Variants in UMAD1 observed in about 807,000 individuals in gnomAD.
The protein encoded by UMAD1 is UBAP1-MVB12-associated (UMA)-domain containing protein 1.
Under a neutral mutation model 6.1 loss-of-function variants are expected in UMAD1, and 8 were observed. The ratio of observed to expected loss-of-function variants is 1.30; its 90% CI spans 0.76 to 2.35. The LOEUF (loss-of-function observed/expected upper bound fraction) is 2.35, where lower values mean the gene tolerates loss of function less well. Among genes scored for constraint, UMAD1 ranks in the 30% most tolerant of loss-of-function variants. UMAD1 has a pLI of 0.00. For missense variants in UMAD1, 130 were observed against 78.4 expected (o/e 1.66, Z -2.49); for synonymous variants, 56 against 31.4 (o/e 1.78, Z -2.61).
At chr7:7,712,062 G>T (rs750123786) in intron 2 of UMAD1, among the ~76,000 whole-genome samples, 1 of 151,664 alleles carries the variant, frequency 6.6e-6, no homozygotes, top group Non-Finnish European at 1.5e-5. Flanking sequence ...TAGTATCTTT[G>T]GTTCTCCTAC....
At chr7:7,793,943 GA>G (rs1041840537) in intron 2 of UMAD1, among the ~76,000 whole-genome samples, 31 of 151,976 alleles carry the variant, frequency 2.0e-4, no homozygotes, top group Non-Finnish European at 2.8e-4. Flanking sequence ...AATACACTTC[GA>G]AAAAAAATTT....
intron 2 of UMAD1, among the ~76,000 whole-genome samples, chr7:7,726,939 G>C (rs1781149479): frequency 6.6e-6 from 1 of 152,098 alleles, no homozygotes; most frequent in African/African-American, 2.4e-5. Context: ...AGATCCATAG[G>C]GTGTCTGTTA....
intron 2 of UMAD1, among the ~76,000 whole-genome samples, chr7:7,710,957 A>G (rs908908064): frequency 1.3e-5 from 2 of 152,222 alleles, no homozygotes; most frequent in Admixed American, 1.3e-4. Flanking sequence ...GTACTGTATG[A>G]CTTCATTTAT....
At chr7:7,788,398 G>A (rs1782498962) in intron 2 of UMAD1, among the ~76,000 whole-genome samples, 1 of 152,078 alleles carries the variant, frequency 6.6e-6, no homozygotes, top group South Asian at 2.1e-4. Flanking sequence ...TAATCAAGCA[G>A]GTTCTCATAC....
intron 1 of UMAD1, among the ~76,000 whole-genome samples, chr7:7,649,335 T>A (rs1188909700): frequency 1.3e-5 from 2 of 152,188 alleles, no homozygotes; most frequent in East Asian, 3.9e-4. Context: ...GGGGACTAAC[T>A]AATGCTTTTT....
chr7:7,795,517 A>G (rs1310570229), intron 2 of UMAD1, among the ~76,000 whole-genome samples: 1 of 152,228 alleles, frequency 6.6e-6, no homozygotes, highest in African/African-American at 2.4e-5. Context: ...GAAGAAAGAA[A>G]CTTTATTAAG....
chr7:7,872,151 T>C (rs1237065164), intron 3 of UMAD1, among the ~76,000 whole-genome samples: 1 of 152,086 alleles, frequency 6.6e-6, no homozygotes, highest in Non-Finnish European at 1.5e-5. Context: ...CTACAGGTAA[T>C]GTACAGGCAT....
chr7:7,668,753 A>G (rs1779532535), intron 1 of UMAD1, among the ~76,000 whole-genome samples: 1 of 152,238 alleles, frequency 6.6e-6, no homozygotes, highest in African/African-American at 2.4e-5. Context: ...TGATACATAC[A>G]TTTAAGAAAT....
At chr7:7,790,470 G>A (rs1782547226) in intron 2 of UMAD1, among the ~76,000 whole-genome samples, 1 of 152,188 alleles carries the variant, frequency 6.6e-6, no homozygotes, top group African/African-American at 2.4e-5. Flanking sequence ...GGGCAGCCCT[G>A]AGTTCATAAC....
intron 2 of UMAD1, among the ~76,000 whole-genome samples, chr7:7,748,520 T>G (rs1781617394): frequency 6.6e-6 from 1 of 152,046 alleles, no homozygotes; most frequent in Non-Finnish European, 1.5e-5. Context: ...CTGCTGTAAT[T>G]TTTTGAGGGG....
At chr7:7,853,282 A>G (rs186022240) in intron 3 of UMAD1, among the ~76,000 whole-genome samples, 1 of 152,302 alleles carries the variant, frequency 6.6e-6, no homozygotes, top group East Asian at 1.9e-4. Flanking sequence ...TTCGTTTTCA[A>G]GATTGTTTTG....
At chr7:7,835,328 T>G (rs190892196) in intron 3 of UMAD1, among the ~76,000 whole-genome samples, 1 of 151,754 alleles carries the variant, frequency 6.6e-6, no homozygotes, top group African/African-American at 2.4e-5. Context: ...TGTCTTTATG[T>G]ATTCTAAAAG....
intron 2 of UMAD1, among the ~76,000 whole-genome samples, chr7:7,709,561 A>G (rs1413925683): frequency 6.6e-6 from 1 of 152,256 alleles, no homozygotes; most frequent in Admixed American, 6.5e-5. Flanking sequence ...CTGCAAGGGC[A>G]AAATGAGGCT....
intron 3 of UMAD1, among the ~76,000 whole-genome samples, chr7:7,863,838 C>T (rs950512610): frequency 1.3e-5 from 2 of 152,166 alleles, no homozygotes; most frequent in African/African-American, 2.4e-5. Context: ...AACAGACTCT[C>T]CCTTTGGCCA....
chr7:7,874,555 G>A (rs1390522369), intron 3 of UMAD1, among the ~76,000 whole-genome samples: 1 of 152,038 alleles, frequency 6.6e-6, no homozygotes, highest in Non-Finnish European at 1.5e-5. Context: ...AGTGGCTCAC[G>A]CCTGTAATCC....
At chr7:7,728,133 G>A (rs1781176468) in intron 2 of UMAD1, among the ~76,000 whole-genome samples, 1 of 152,110 alleles carries the variant, frequency 6.6e-6, no homozygotes, top group East Asian at 1.9e-4. Flanking sequence ...ACTGGTACAT[G>A]TTCAGATATG....
At chr7:7,797,373 C>T (rs1483403746) in intron 2 of UMAD1, among the ~76,000 whole-genome samples, 1 of 152,162 alleles carries the variant, frequency 6.6e-6, no homozygotes, top group African/African-American at 2.4e-5. Context: ...AATCATACCA[C>T]TCAGTGTATT....
At chr7:7,765,132 A>C (rs987173122) in intron 2 of UMAD1, among the ~76,000 whole-genome samples, 3 of 151,846 alleles carry the variant, frequency 2.0e-5, no homozygotes, top group Non-Finnish European at 2.9e-5. Flanking sequence ...ATAGCTTTCT[A>C]CTTATGTCAG....
chr7:7,696,639 C>G (rs1780325388), intron 2 of UMAD1, among the ~76,000 whole-genome samples: 2 of 152,078 alleles, frequency 1.3e-5, no homozygotes, highest in South Asian at 2.1e-4. Context: ...CAGTAGCTCT[C>G]CCTCATACAG....
Sources: gnomAD v4.1 joint callset for allele counts (sites outside exome capture counted in the v4.1 genomes callset) on GRCh38, gnomAD v4.1.1 for gene constraint, MANE v1.5 for transcripts, NCBI Gene and HGNC (gene_info 2026-07-23, HGNC 2026-07-21) for gene names.